TRDN: variants seen among roughly 807,000 people sequenced by gnomAD.
TRDN encodes triadin in skeletal muscle.
TRDN carries 161 observed loss-of-function variants against 149.7 expected under a neutral mutation model. The ratio of observed to expected loss-of-function variants is 1.08; its 90% confidence interval spans 0.95 to 1.23. The LOEUF (loss-of-function observed/expected upper bound fraction) is 1.23. Among genes scored for constraint, TRDN ranks in the 50% most tolerant of loss-of-function variants. The pLI, the probability that TRDN is intolerant of heterozygous loss-of-function variation, is 0.00. For synonymous variants in TRDN, 294 were observed against 250.5 expected (o/e 1.17, Z -1.64); for missense variants, 896 against 823.5 (o/e 1.09, Z -1.08).
intron 1 of TRDN, among the ~76,000 whole-genome samples, chr6:123,628,084 CT>C (rs1307999979): frequency 1.3e-5 from 2 of 152,144 alleles, no homozygotes; most frequent in African/African-American, 4.8e-5. Flanking sequence ...TTCAGTAGCA[CT>C]TTTAATTTCC....
At chr6:123,458,862 TA>T (rs35464457) in intron 10 of TRDN, among the ~76,000 whole-genome samples, 25,593 of 150,718 alleles carry the variant, frequency 0.17, 2,324 homozygotes, top group South Asian at 0.29. Flanking sequence ...TTTCTGTGAT[TA>T]AAAAAAAAGG....
At chr6:123,226,878 G>A (rs903500641) in intron 38 of TRDN, among the ~76,000 whole-genome samples, 1 of 151,736 alleles carries the variant, frequency 6.6e-6, no homozygotes, top group Non-Finnish European at 1.5e-5. Flanking sequence ...CGGACTGTCA[G>A]GAAAATGTTT....
chr6:123,273,058 G>A, intron 28 of TRDN, 47 bp from the exon 29 acceptor site: 2 of 1,288,688 alleles, frequency 1.6e-6, no homozygotes. Flanking sequence ...TAGAAGCTGG[G>A]AAAATAGCTA....
chr6:123,417,946 A>G (rs1773725156), intron 12 of TRDN, among the ~76,000 whole-genome samples: 1 of 152,160 alleles, frequency 6.6e-6, no homozygotes, highest in Admixed American at 6.5e-5. Context: ...GATCTGAACC[A>G]TTTCAGCCCT....
chr6:123,228,180 T>C (rs1211858205), intron 38 of TRDN, among the ~76,000 whole-genome samples: 1 of 151,924 alleles, frequency 6.6e-6, no homozygotes, highest in African/African-American at 2.4e-5. Flanking sequence ...GAATATACTC[T>C]TATTGTTCCT....
At chr6:123,527,024 T>C (rs1019725308) in intron 5 of TRDN, among the ~76,000 whole-genome samples, 1 of 152,002 alleles carries the variant, frequency 6.6e-6, no homozygotes, top group African/African-American at 2.4e-5. Flanking sequence ...ATTTTACAGA[T>C]GATGAAATAA....
intron 1 of TRDN, among the ~76,000 whole-genome samples, chr6:123,635,097 C>A (rs1451615599): frequency 6.6e-6 from 1 of 151,918 alleles, no homozygotes; most frequent in Non-Finnish European, 1.5e-5. Context: ...GGAGCCCAAA[C>A]CCTGAACAGA....
chr6:123,612,202 C>T (rs1327027061), intron 1 of TRDN, among the ~76,000 whole-genome samples: 1 of 128,072 alleles, frequency 7.8e-6, no homozygotes, highest in African/African-American at 3.0e-5. Flanking sequence ...CGAGACCAGC[C>T]TGGCCAACAT....
At chr6:123,232,348 A>G (rs1775633664) in intron 38 of TRDN, among the ~76,000 whole-genome samples, 1 of 152,080 alleles carries the variant, frequency 6.6e-6, no homozygotes, top group African/African-American at 2.4e-5. Flanking sequence ...TACAATTTGG[A>G]ACGCTGTGTT....
intron 12 of TRDN, among the ~76,000 whole-genome samples, chr6:123,403,534 G>A (rs1773070175): frequency 6.6e-6 from 1 of 152,158 alleles, no homozygotes. Flanking sequence ...TCTGGGAAAT[G>A]GGAAGACAAT....
intron 2 of TRDN, among the ~76,000 whole-genome samples, chr6:123,552,459 T>C (rs889092815): frequency 6.6e-6 from 1 of 152,144 alleles, no homozygotes; most frequent in South Asian, 2.1e-4. Flanking sequence ...GTAGGTAATA[T>C]TTGACCCTTC....
chr6:123,279,111 G>A (rs181174576), intron 24 of TRDN, 29 bp from the exon 25 acceptor site: 27 of 1,576,388 alleles, frequency 1.7e-5, no homozygotes, highest in Non-Finnish European at 2.3e-5. Context: ...ATTATTAAAG[G>A]CTGAGTCATA....
chr6:123,218,177 CT>C lies in TRDN; in HGVS notation c.*423del, dbSNP rs1312887892. The C allele has an allele frequency of 1.3e-5, 2 of 152,624 alleles. No homozygotes were observed. Among genetic ancestry groups the C allele is most frequent in the African/African-American group, 4.8e-5 (2 of 41,380 alleles). 9.5% of individuals were successfully genotyped at this position (152,624 alleles called of 1,614,324 possible). A position where few individuals can be genotyped will look rare whatever the true frequency, so the allele number is the denominator to read the frequency against. On this transcript the variant is annotated 3_prime_UTR_variant, in exon 41 of 41. Coordinates refer to ENST00000334268, the MANE Select transcript of TRDN (RefSeq NM_006073.4). ...ATACCCATATGATGCAAAAGGGTCA[CT>C]TTTATATAAGCTTCCCCATCTTTTA...
intron 22 of TRDN, among the ~76,000 whole-genome samples, chr6:123,336,853 CA>C (rs1779890984): frequency 6.6e-6 from 1 of 150,824 alleles, no homozygotes. Flanking sequence ...TGTTATAGTA[CA>C]TATATATAAC....
intron 21 of TRDN, chr6:123,352,319 C>G (rs530097455): frequency 1.0e-6 from 1 of 984,766 alleles, no homozygotes; most frequent in African/African-American, 1.8e-5. Context: ...GGGGAGTTTC[C>G]CTGTTCGGAA....
At chr6:123,626,982 G>A (rs1337187918) in intron 1 of TRDN, among the ~76,000 whole-genome samples, 1 of 151,624 alleles carries the variant, frequency 6.6e-6, no homozygotes, top group African/African-American at 2.4e-5. Context: ...AGGCTGGAGT[G>A]CAGTGGCACG....
chr6:123,564,358 T>C (rs1782168343), intron 2 of TRDN, among the ~76,000 whole-genome samples: 1 of 152,188 alleles, frequency 6.6e-6, no homozygotes, highest in African/African-American at 2.4e-5. Flanking sequence ...TTGCATTTAG[T>C]GTTTCAGTCT....
intron 5 of TRDN, among the ~76,000 whole-genome samples, chr6:123,525,056 C>G (rs1416432598): frequency 1.1e-4 from 16 of 151,972 alleles, no homozygotes; most frequent in Admixed American, 1.1e-3. Flanking sequence ...TCAAAAACAA[C>G]AGATGTCATG....
chr6:123,408,617 G>T (rs918039755), intron 12 of TRDN, among the ~76,000 whole-genome samples: 2 of 151,388 alleles, frequency 1.3e-5, no homozygotes, highest in Non-Finnish European at 2.9e-5. Context: ...CGCAGAGGTT[G>T]CAGTGAGCAG....
Sources: gnomAD v4.1 joint callset for allele counts (sites outside exome capture counted in the v4.1 genomes callset) on GRCh38, gnomAD v4.1.1 for gene constraint, MANE v1.5 for transcripts, NCBI Gene and HGNC (gene_info 2026-07-23, HGNC 2026-07-21) for gene names.